Variants in SHISA9 observed in about 807,000 individuals in gnomAD.
SHISA9 encodes protein shisa-9.
SHISA9 carries 13 observed loss-of-function variants against 38.0 expected under a neutral mutation model. The ratio of observed to expected loss-of-function variants is 0.34; its 90% CI spans 0.22 to 0.54. The LOEUF (loss-of-function observed/expected upper bound fraction) is 0.54, where lower values mean the gene tolerates loss of function less well. Ranked by LOEUF, SHISA9 falls within the 20% of genes least tolerant of loss-of-function variation. The pLI, the probability that SHISA9 is intolerant of heterozygous loss-of-function variation, is 0.91. For missense variants in SHISA9, 538 were observed against 575.8 expected (o/e 0.93, Z 0.67); for synonymous variants, 275 against 242.0 (o/e 1.14, Z -1.27).
the SHISA9 span, among the ~76,000 whole-genome samples, chr16:13,490,821 G>C: frequency 3.9e-5 from 6 of 152,328 alleles, no homozygotes; most frequent in Non-Finnish European, 7.4e-5. Flanking sequence ...ACATGTCAGA[G>C]AAACCAACCA....
the SHISA9 span, among the ~76,000 whole-genome samples, chr16:13,538,112 C>T: frequency 1.3e-5 from 2 of 152,084 alleles, no homozygotes; most frequent in African/African-American, 2.4e-5. Flanking sequence ...TTGTTATCTG[C>T]GATCTACTAG....
the SHISA9 span, among the ~76,000 whole-genome samples, chr16:13,469,140 G>T: frequency 6.6e-6 from 1 of 151,400 alleles, no homozygotes; most frequent in Non-Finnish European, 1.5e-5. Flanking sequence ...TATTCAGGAG[G>T]CTGAGGCAGG....
chr16:13,515,603 A>AC, the SHISA9 span, among the ~76,000 whole-genome samples: 1 of 151,910 alleles, frequency 6.6e-6, no homozygotes, highest in South Asian at 2.1e-4. Flanking sequence ...GTTATATATG[A>AC]CCCCAACAGT....
chr16:13,432,892 C>T, the SHISA9 span, among the ~76,000 whole-genome samples: 1 of 151,970 alleles, frequency 6.6e-6, no homozygotes, highest in Non-Finnish European at 1.5e-5. Context: ...CTGAAGGTAA[C>T]AACATACCCT....
At chr16:13,275,696 T>G in the SHISA9 span, among the ~76,000 whole-genome samples, 1 of 152,038 alleles carries the variant, frequency 6.6e-6, no homozygotes, top group African/African-American at 2.4e-5. Flanking sequence ...AACTCACCAA[T>G]AAAATCACCT....
the SHISA9 span, among the ~76,000 whole-genome samples, chr16:13,525,887 C>T: frequency 2.0e-5 from 3 of 152,210 alleles, no homozygotes; most frequent in African/African-American, 7.2e-5. Flanking sequence ...TGGTCATCAA[C>T]CTTGCCTGGG....
At chr16:13,552,501 CA>C in the SHISA9 span, among the ~76,000 whole-genome samples, 8 of 151,430 alleles carry the variant, frequency 5.3e-5, no homozygotes, top group South Asian at 2.1e-4. Flanking sequence ...GGCTTTGTGG[CA>C]AGTGCTTTTG....
chr16:13,249,925 G>C, the SHISA9 span, among the ~76,000 whole-genome samples: 1 of 152,020 alleles, frequency 6.6e-6, no homozygotes, highest in Non-Finnish European at 1.5e-5. Flanking sequence ...GTAGAGCCAG[G>C]GTTTTGCTAT....
intron 2 of SHISA9, among the ~76,000 whole-genome samples, chr16:13,186,752 C>G (rs1425534429): frequency 6.6e-6 from 1 of 152,192 alleles, no homozygotes; most frequent in Non-Finnish European, 1.5e-5. Context: ...CCCCTGGTAA[C>G]CATTCTACTT....
intron 3 of SHISA9, 78 bp downstream of exon 3, chr16:13,203,627 C>G (rs1216095333): frequency 7.5e-7 from 1 of 1,337,622 alleles, no homozygotes; most frequent in Admixed American, 3.5e-5. Context: ...CTCTTTATCT[C>G]CAGTTTTCTT....
At chr16:13,472,425 C>T in the SHISA9 span, among the ~76,000 whole-genome samples, 18 of 117,590 alleles carry the variant, frequency 1.5e-4, no homozygotes, top group African/African-American at 6.1e-4. Flanking sequence ...GGAGTCTTGC[C>T]CTGTCGCCCA....
the SHISA9 span, among the ~76,000 whole-genome samples, chr16:13,472,414 C>T: frequency 6.8e-5 from 5 of 73,790 alleles, no homozygotes; most frequent in African/African-American, 2.3e-4. Flanking sequence ...TTTTTTGAGA[C>T]GGAGTCTTGC....
intron 1 of SHISA9, among the ~76,000 whole-genome samples, chr16:12,915,913 G>T (rs1443211906): frequency 6.6e-6 from 1 of 151,392 alleles, no homozygotes; most frequent in East Asian, 1.9e-4. Flanking sequence ...GAGAAAAAAT[G>T]CATTGGTAGG....
the SHISA9 span, among the ~76,000 whole-genome samples, chr16:13,505,495 C>G: frequency 6.6e-6 from 1 of 152,216 alleles, no homozygotes; most frequent in Non-Finnish European, 1.5e-5. Context: ...AAAGAAGTAG[C>G]AACAGTTACC....
At chr16:13,173,784 A>G (rs545272492) in intron 2 of SHISA9, among the ~76,000 whole-genome samples, 1 of 152,256 alleles carries the variant, frequency 6.6e-6, no homozygotes, top group Non-Finnish European at 1.5e-5. Flanking sequence ...GGCAATTACA[A>G]CAGAGTCAGG....
In SHISA9 at chr16:13,224,290, C is replaced by T. The variant is rs559165964; in HGVS notation, c.896-10740C>T. On this transcript the variant is annotated intron_variant, in intron 4 of 4. Transcript: ENST00000558583. ...TGACTTTATTCTACCTCCCTTCCCC[C>T]GAGCTAGGTCTGCTAAAGAGTATCC... Among the ~76,000 whole-genome samples the T allele has an allele frequency of 4.6e-5, 7 of 152,280 alleles. No homozygotes were observed. The South Asian group carries it at 6.2e-4, about 14-fold the overall frequency.
intron 2 of SHISA9, among the ~76,000 whole-genome samples, chr16:13,158,719 G>T (rs546311637): frequency 4.6e-5 from 7 of 152,158 alleles, no homozygotes; most frequent in African/African-American, 1.7e-4. Flanking sequence ...CCCATAAGAT[G>T]GGGAGCTCCC....
the SHISA9 span, among the ~76,000 whole-genome samples, chr16:13,426,623 G>A: frequency 1.3e-5 from 2 of 152,100 alleles, no homozygotes; most frequent in African/African-American, 4.8e-5. Context: ...GTTCAAGACA[G>A]GCTAGAGGGC....
chr16:13,380,175 G>A, the SHISA9 span, among the ~76,000 whole-genome samples: 1 of 151,314 alleles, frequency 6.6e-6, no homozygotes, highest in Non-Finnish European at 1.5e-5. Context: ...AATAGAAGAG[G>A]GATTACAGAG....
Sources: gnomAD v4.1 joint callset for allele counts (sites outside exome capture counted in the v4.1 genomes callset) on GRCh38, gnomAD v4.1.1 for gene constraint, MANE v1.5 for transcripts, NCBI Gene and HGNC (gene_info 2026-07-23, HGNC 2026-07-21) for gene names.